The following MYBPC3 variants were observed in gnomAD, a reference collection of about 807,000 sequenced individuals.
MYBPC3 encodes myosin binding protein C3, also known as myosin-binding protein C, cardiac-type.
Under a neutral mutation model 159.3 loss-of-function variants are expected in MYBPC3, and 108 were observed. The ratio of observed to expected loss-of-function variants is 0.68; its 90% CI spans 0.58 to 0.80. The LOEUF (loss-of-function observed/expected upper bound fraction) is 0.80. Ranked by LOEUF, MYBPC3 falls within the 30% of genes least tolerant of loss-of-function variation. MYBPC3 has a pLI of 0.00. For missense variants in MYBPC3, 1,631 were observed against 1,762.1 expected (o/e 0.93, Z 1.33); for synonymous variants, 730 against 702.0 (o/e 1.04, Z -0.63).
chr11:47,336,194 A>G (rs1360309878), intron 25 of MYBPC3, among the ~76,000 whole-genome samples, 183 bp from the exon 26 acceptor site: 2 of 152,160 alleles, frequency 1.3e-5, no homozygotes, highest in African/African-American at 4.8e-5. Context: ...CTTAAAAACA[A>G]ACAGCAACAG....
rs3729989 is a variant in MYBPC3, at chr11:47,348,490, T to C, written c.706A>G (p.Ser236Gly). Residue 236 changes from serine to glycine, a missense_variant, in exon 6 of 35, where the codon AGC (serine) becomes GGC (glycine). Coordinates refer to ENST00000545968, the MANE Select transcript of MYBPC3 (RefSeq NM_000256.3). ...TTGGTGGACACCTCACAGCGGTAGC[T>C]GCCAGTGAAGGCAGGCTGGGCATCG... ...ITDAQPAFTGSYRCEVSTKDK... is the reference protein window; with the variant it reads ...ITDAQPAFTGGYRCEVSTKDK... 0.12 allele frequency: 189,977 copies of C among 1,612,892 alleles called. 12,149 individuals are homozygous for C. Among genetic ancestry groups the C allele is most frequent in the Non-Finnish European group, 0.13 (156,655 of 1,179,254 alleles).
Position 47,331,507 on chromosome 11 carries a change from C to T in MYBPC3, c.*236G>A, listed in dbSNP as rs11570121. The T allele has an allele frequency of 0.011, 2,738 of 242,006 alleles. 88 individuals are homozygous for T. The highest frequency in any genetic ancestry group is 0.057 in the African/African-American group (2,548 of 44,690). 15.0% of individuals were successfully genotyped at this position (242,006 alleles called of 1,614,324 possible). A position where few individuals can be genotyped will look rare whatever the true frequency, so the allele number is the denominator to read the frequency against. On this transcript the variant is annotated 3_prime_UTR_variant, in exon 35 of 35. Coordinates refer to ENST00000545968, the MANE Select transcript of MYBPC3 (RefSeq NM_000256.3). ...CCCCAGACATTGTTTCTTGAGGCCA[C>T]CCTCCTTTTACCCCAAAGATCCAGG...
chr11:47,334,938 T>C (rs1398179696), intron 27 of MYBPC3, 104 bp downstream of exon 27: 2 of 1,295,644 alleles, frequency 1.5e-6, no homozygotes, highest in Admixed American at 3.6e-5. Flanking sequence ...CCCAGCGTTC[T>C]GGGCAGAGCA....
chr11:47,335,859 G>A lies in MYBPC3; in HGVS notation c.2737+18C>T. 2 of 1,451,744 alleles carry A rather than the reference G, an allele frequency of 1.4e-6. No homozygotes were observed. The highest frequency in any genetic ancestry group is 1.8e-6 in the Non-Finnish European group (2 of 1,091,872). 89.9% of individuals were successfully genotyped at this position (1,451,744 alleles called of 1,614,324 possible). On this transcript the variant is annotated intron_variant, in intron 26 of 34. Transcript: ENST00000545968. Reference sequence around the variant, plus strand: ...TGTTCTTCCTTTGGGGAGGGGGGTTGGGGGCGGGGACACTCACAGCCCTCT... The same window carrying A: ...TGTTCTTCCTTTGGGGAGGGGGGTTAGGGGCGGGGACACTCACAGCCCTCT...
chr11:47,343,239 G>A, intron 14 of MYBPC3, 21 bp downstream of exon 14: 1 of 1,572,642 alleles, frequency 6.4e-7, no homozygotes, highest in Non-Finnish European at 8.6e-7. Flanking sequence ...CCCACCCCAA[G>A]CCATCCAGAG....
chr11:47,350,495 C>G lies in MYBPC3; in HGVS notation c.406+7G>C. The G allele has an allele frequency of 1.3e-6, 2 of 1,554,910 alleles. No homozygotes were observed. Among genetic ancestry groups the G allele is most frequent in the Non-Finnish European group, 1.7e-6 (2 of 1,152,150 alleles). ...GATCCTGCCCCTCCCTGCCCAGCCC[C>G]TCTCACCTTTGGGACTTGGGGCACT... On this transcript the variant is annotated splice_region_variant and intron_variant, in intron 3 of 34. Coordinates refer to ENST00000545968, the MANE Select transcript of MYBPC3 (RefSeq NM_000256.3).
At chr11:47,344,525 C>T (rs1041300977) in intron 12 of MYBPC3, among the ~76,000 whole-genome samples, 2 of 152,184 alleles carry the variant, frequency 1.3e-5, no homozygotes, top group Admixed American at 1.3e-4. Flanking sequence ...GTTGCTGCTG[C>T]TGAGCCCAGG....
At chr11:47,340,891 C>T in intron 20 of MYBPC3, 112 bp downstream of exon 20, 2 of 1,256,140 alleles carry the variant, frequency 1.6e-6, no homozygotes, top group Non-Finnish European at 2.1e-6. Context: ...AGCTGGGCCC[C>T]AGGACCCCCA....
chr11:47,335,160 T>G lies in MYBPC3; in HGVS notation c.2787A>C (p.Ile929=). 3 of 1,612,774 alleles carry G rather than the reference T, an allele frequency of 1.9e-6. No homozygotes were observed. Among genetic ancestry groups the G allele is most frequent in the Non-Finnish European group, 2.5e-6 (3 of 1,179,342 alleles). Residue 929 remains isoleucine (I), a synonymous_variant, in exon 27 of 35, where the codon ATA becomes ATC. Coordinates refer to ENST00000545968, the MANE Select transcript of MYBPC3 (RefSeq NM_000256.3). ...CCCCCGTGGGCAGGTCCTTCACCAG[T>G]ATCGATGTGTGCTCTGTCAGCCCCT... ...ALQGLTEHTS[I]LVKDLPTGAR...
chr11:47,334,937 C>T, intron 27 of MYBPC3, 105 bp downstream of exon 27: 2 of 1,290,596 alleles, frequency 1.5e-6, no homozygotes, highest in Non-Finnish European at 2.0e-6. Context: ...GCCCAGCGTT[C>T]TGGGCAGAGC....
At position 47,352,606 on chromosome 11, in the gene MYBPC3, C is replaced by G. The variant is rs2095901946; in HGVS notation, c.25+17G>C. 4 of 1,602,642 alleles carry G rather than the reference C, an allele frequency of 2.5e-6. No individual in the cohort carries two copies. The highest frequency in any genetic ancestry group is 3.4e-6 in the Non-Finnish European group (4 of 1,174,620). On this transcript the variant is annotated intron_variant, in intron 1 of 34. Coordinates refer to ENST00000545968, the MANE Select transcript of MYBPC3 (RefSeq NM_000256.3). The stretch of plus-strand genomic sequence containing the variant: ...CCCTGCTCCCACACTTAGACCCAAC[C>G]CCAGTCCTAAAGCTACCTGGCTTCT...
intron 8 of MYBPC3, 36 bp from the exon 9 acceptor site, chr11:47,347,515 G>A (rs1427379743): frequency 6.3e-7 from 1 of 1,583,040 alleles, no homozygotes; most frequent in South Asian, 1.2e-5. Context: ...CTGCAGTGAG[G>A]GACTGGAAAG....
In MYBPC3 at chr11:47,348,486, T is replaced by C; in HGVS notation, c.710A>G (p.Tyr237Cys). 1 of 1,613,486 alleles carries C rather than the reference T, an allele frequency of 6.2e-7. No homozygotes were observed. Among genetic ancestry groups the C allele is most frequent in the East Asian group, 2.2e-5 (1 of 44,856 alleles). The change falls in exon 6 of 35, where the codon TAC becomes TGC. Residue 237 changes from tyrosine (Y) to cysteine (C), a missense_variant. By Grantham distance (194) the Tyr-to-Cys change is radical. Coordinates refer to ENST00000545968, the MANE Select transcript of MYBPC3 (RefSeq NM_000256.3). Reference sequence around the variant, plus strand: ...GTCCTTGGTGGACACCTCACAGCGGTAGCTGCCAGTGAAGGCAGGCTGGGC... The same window carrying C: ...GTCCTTGGTGGACACCTCACAGCGGCAGCTGCCAGTGAAGGCAGGCTGGGC... ...TDAQPAFTGS[Y>C]RCEVSTKDKF... is the part of the protein sequence containing the mutation.
At position 47,337,458 on chromosome 11, in the gene MYBPC3, G is replaced by A. The variant is rs1288578869; in HGVS notation, c.2535C>T (p.Arg845=). ...TGCCGATGGCGTTGACCGCGTAGAC[G>A]CGCATCTCGTACACCACGCCCTCGA... The part of the protein sequence containing the change: ...RMIEGVVYEM[R]VYAVNAIGMS... The change falls in exon 25 of 35, where the codon CGC becomes CGT. Residue 845 remains arginine (R), a synonymous_variant. Coordinates refer to ENST00000545968, the MANE Select transcript of MYBPC3 (RefSeq NM_000256.3). 6.2e-7 allele frequency: 1 copy of A among 1,613,578 alleles called. No homozygotes were observed. The highest frequency in any genetic ancestry group is 2.2e-5 in the East Asian group (1 of 44,886).
chr11:47,334,016 G>C lies in MYBPC3; in HGVS notation c.2906-6C>G. 6.4e-7 allele frequency: 1 copy of C among 1,570,252 alleles called. No individual in the cohort carries two copies. ...CAGCTGAAGCCGTGGCCGTTCTGTG[G>C]GTATAGAGTGGGTAGCTAAGTGAGG... is the stretch of plus-strand genomic sequence containing the variant. On this transcript the variant is annotated splice_polypyrimidine_tract_variant and splice_region_variant and intron_variant, in intron 27 of 34. Coordinates refer to ENST00000545968, the MANE Select transcript of MYBPC3 (RefSeq NM_000256.3).
Position 47,342,653 on chromosome 11 carries a change from C to A in MYBPC3, c.1549G>T (p.Ala517Ser), listed in dbSNP as rs1565627873. The A allele has an allele frequency of 5.6e-6, 9 of 1,613,920 alleles. No individual in the cohort carries two copies. The highest frequency in any genetic ancestry group is 1.3e-5 in the African/African-American group (1 of 74,940). ...GQRHHLIINE[A>S]MLEDAGHYAL... The stretch of plus-strand genomic sequence containing the variant: ...TAGTGCCCCGCGTCCTCCAGCATGG[C>A]CTCGTTGATGATCAGGTGGTGTCTC... Residue 517 changes from alanine to serine, a missense_variant, in exon 17 of 35, where the codon GCC becomes TCC. By Grantham distance (99) the Ala-to-Ser change is moderately conservative. Transcript: ENST00000545968.
In MYBPC3 at chr11:47,332,364, A is replaced by T; in HGVS notation, c.3628-106T>A. 1 of 1,450,274 alleles carries T rather than the reference A, an allele frequency of 6.9e-7. No homozygotes were observed. Among genetic ancestry groups the T allele is most frequent in the Non-Finnish European group, 9.6e-7 (1 of 1,044,092 alleles). 89.8% of individuals were successfully genotyped at this position (1,450,274 alleles called of 1,614,324 possible). A position where few individuals can be genotyped will look rare whatever the true frequency, so the allele number is the denominator to read the frequency against. ...GTTTCTACTCGGGGGGTCCCACGAG[A>T]GTCCCTGACTATGCCCAAGGCTGGA... On this transcript the variant is annotated intron_variant, in intron 32 of 34. Transcript: ENST00000545968. This position sits in a 1 kb window ranked among gnomAD's most constrained non-coding sequence, Gnocchi z 4.2.
At position 47,346,347 on chromosome 11, in the gene MYBPC3, G is replaced by T. The variant is rs1281956829; in HGVS notation, c.950C>A (p.Ala317Glu). 6.2e-7 allele frequency: 1 copy of T among 1,602,968 alleles called. No homozygotes were observed. The highest frequency in any genetic ancestry group is 8.5e-7 in the Non-Finnish European group (1 of 1,173,676). The change falls in exon 12 of 35, where the codon GCA becomes GAA. Residue 317 changes from alanine to glutamate, a missense_variant. By Grantham distance (107) the Ala-to-Glu change is moderately radical. Coordinates refer to ENST00000545968, the MANE Select transcript of MYBPC3 (RefSeq NM_000256.3). This position sits in a 1 kb window ranked among gnomAD's most constrained non-coding sequence, Gnocchi z 5.3. Reference protein sequence around the residue: ...TPRDSKLEAPAEEDVWEILRQ... With the variant: ...TPRDSKLEAPEEEDVWEILRQ... ...TAGGATCTCCCACACGTCCTCCTCT[G>T]CTGGTGCCTCCAGCTTCGAGTCCCT...
At chr11:47,344,544 G>T (rs11570067) in intron 12 of MYBPC3, among the ~76,000 whole-genome samples, 15,796 of 152,120 alleles carry the variant, frequency 0.1, 866 homozygotes, top group Non-Finnish European at 0.13. Context: ...GGGAGGAAGT[G>T]GGGGCTCCAT....
Sources: gnomAD v4.1 joint callset for allele counts (sites outside exome capture counted in the v4.1 genomes callset) on GRCh38, gnomAD v4.1.1 for gene constraint, Gnocchi (gnomAD v3.1) non-coding constraint, MANE v1.5 for transcripts, NCBI Gene and HGNC (gene_info 2026-07-23, HGNC 2026-07-21) for gene names.